Variants in XYLT1 observed in about 807,000 individuals in gnomAD.
XYLT1 encodes the protein xylosyltransferase 1, also known as beta-D-xylosyltransferase 1.
XYLT1 carries 36 observed loss-of-function variants against 91.3 expected under a neutral mutation model. The ratio of observed to expected loss-of-function variants is 0.39; its 90% CI spans 0.30 to 0.52. XYLT1 has a LOEUF of 0.52. Among genes scored for constraint, XYLT1 ranks in the 20% least tolerant of loss-of-function variants. The probability of loss-of-function intolerance (pLI) is 0.68; values close to 1 mark genes in which losing one functional copy is unlikely to be tolerated. For synonymous variants in XYLT1, 588 were observed against 532.0 expected, an observed-to-expected ratio of 1.11 and a Z score of -1.45; for missense variants, 1,242 against 1,284.5, an observed-to-expected ratio of 0.97 and a Z score of 0.51.
chr16:17,197,744 C>A (rs909018306), intron 5 of XYLT1, among the ~76,000 whole-genome samples: 1 of 152,178 alleles, frequency 6.6e-6, no homozygotes, highest in African/African-American at 2.4e-5. Context: ...GGGCCTTCGA[C>A]CACAGACTGA....
intron 5 of XYLT1, among the ~76,000 whole-genome samples, chr16:17,187,265 G>A (rs566454036): frequency 2.0e-5 from 3 of 151,690 alleles, no homozygotes; most frequent in Admixed American, 6.6e-5. Flanking sequence ...ATGGTGGCAC[G>A]TGCCTGTAAT....
chr16:17,415,466 G>A (rs2036169048), intron 1 of XYLT1, among the ~76,000 whole-genome samples: 1 of 152,180 alleles, frequency 6.6e-6, no homozygotes, highest in Admixed American at 6.5e-5. Context: ...GAGGCGGGCG[G>A]ATTGCCTAAG....
intron 11 of XYLT1, among the ~76,000 whole-genome samples, chr16:17,114,302 T>C (rs1405768702): frequency 6.6e-6 from 1 of 152,220 alleles, no homozygotes; most frequent in Non-Finnish European, 1.5e-5. Flanking sequence ...AACCCCAGTT[T>C]GAAACCATTT....
chr16:17,421,336 C>T (rs1042688016), intron 1 of XYLT1, among the ~76,000 whole-genome samples: 1 of 152,214 alleles, frequency 6.6e-6, no homozygotes, highest in Non-Finnish European at 1.5e-5. Context: ...TTTCCTATCC[C>T]ATATGCTCTT....
At position 17,338,259 on chromosome 16, in the gene XYLT1, A is replaced by G. The variant is rs989261551; in HGVS notation, c.402+19753T>C. 7.5e-5 allele frequency: 34 copies of G among 456,326 alleles called. No homozygotes were observed. In the Admixed American group the frequency reaches 7.8e-4, roughly 10 times the overall value. 28.3% of individuals were successfully genotyped at this position (456,326 alleles called of 1,614,324 possible). A position where few individuals can be genotyped will look rare whatever the true frequency, so the allele number is the denominator to read the frequency against. Reference sequence around the variant, plus strand: ...AGTGATCATCTCAAACTGATCTTGGACCATGCTCTTCTGCTCCTCAAACAT... The same window carrying G: ...AGTGATCATCTCAAACTGATCTTGGGCCATGCTCTTCTGCTCCTCAAACAT... On this transcript the variant is annotated intron_variant, in intron 2 of 11. Coordinates refer to ENST00000261381, the MANE Select transcript of XYLT1 (RefSeq NM_022166.4).
At chr16:17,309,582 G>A (rs1446645026) in intron 2 of XYLT1, among the ~76,000 whole-genome samples, 1 of 152,188 alleles carries the variant, frequency 6.6e-6, no homozygotes, top group Non-Finnish European at 1.5e-5. Context: ...AGAGTGTACT[G>A]TCTGTGCTGT....
chr16:17,370,638 G>A (rs1441023079), intron 1 of XYLT1, among the ~76,000 whole-genome samples: 2 of 152,228 alleles, frequency 1.3e-5, no homozygotes, highest in Non-Finnish European at 2.9e-5. Flanking sequence ...GCTGACTGCA[G>A]AGGTGGCCAA....
chr16:17,337,934 G>A (rs892954297), intron 2 of XYLT1, among the ~76,000 whole-genome samples: 5 of 151,920 alleles, frequency 3.3e-5, no homozygotes, highest in East Asian at 1.9e-4. Context: ...GCGCCACCAC[G>A]TCCGGCTAAT....
intron 2 of XYLT1, among the ~76,000 whole-genome samples, chr16:17,275,942 G>A (rs978123062): frequency 1.5e-4 from 23 of 152,074 alleles, no homozygotes; most frequent in African/African-American, 4.6e-4. Context: ...AAATGCTCAC[G>A]GAGCCAGAGA....
intron 2 of XYLT1, among the ~76,000 whole-genome samples, chr16:17,357,183 A>AAC (rs1567390720): frequency 3.2e-5 from 4 of 123,414 alleles, no homozygotes; most frequent in African/African-American, 1.5e-4. Flanking sequence ...AAAAAAAAAA[A>AAC]AAAAAAAAAA....
At chr16:17,442,647 C>T (rs1015027010) in intron 1 of XYLT1, among the ~76,000 whole-genome samples, 1 of 152,120 alleles carries the variant, frequency 6.6e-6, no homozygotes, top group African/African-American at 2.4e-5. Flanking sequence ...TGGATTCCCC[C>T]ACCTTGAGAG....
Position 17,236,634 on chromosome 16 carries a change from C to T in XYLT1, c.913+22354G>A, listed in dbSNP as rs190957203. Among the ~76,000 whole-genome samples, 281 of 152,246 alleles carry T rather than the reference C, an allele frequency of 1.8e-3. 2 individuals are homozygous for T. The highest frequency in any genetic ancestry group is 0.01 in the Middle Eastern group (3 of 294). On this transcript the variant is annotated intron_variant, in intron 3 of 11. Transcript: ENST00000261381. The stretch of plus-strand genomic sequence containing the variant: ...GGAGGCTGGAGGTCCAAGATCCAGG[C>T]GTTGGCAGGGTTCGTTTCTTCTGAG...
At chr16:17,153,539 C>A (rs2031332073) in intron 6 of XYLT1, among the ~76,000 whole-genome samples, 1 of 152,224 alleles carries the variant, frequency 6.6e-6, no homozygotes, top group Non-Finnish European at 1.5e-5. Flanking sequence ...ATCAGCCTCC[C>A]AGGATGCTGG....
chr16:17,428,363 C>T (rs1283392579), intron 1 of XYLT1, among the ~76,000 whole-genome samples: 1 of 152,166 alleles, frequency 6.6e-6, no homozygotes, highest in Non-Finnish European at 1.5e-5. Flanking sequence ...AGAGCTTACA[C>T]CTGACCCTGT....
intron 2 of XYLT1, among the ~76,000 whole-genome samples, chr16:17,301,169 G>A (rs1401481737): frequency 1.3e-5 from 2 of 152,058 alleles, no homozygotes; most frequent in Non-Finnish European, 2.9e-5. Flanking sequence ...CCAGCACTTC[G>A]GGAGGCTGAG....
intron 1 of XYLT1, among the ~76,000 whole-genome samples, chr16:17,417,700 G>A (rs1011437821): frequency 5.9e-5 from 9 of 152,190 alleles, no homozygotes; most frequent in African/African-American, 2.2e-4. Flanking sequence ...TTTATCGAAA[G>A]GTAGTGTCTT....
intron 3 of XYLT1, among the ~76,000 whole-genome samples, chr16:17,204,737 A>G (rs1305178194): frequency 1.3e-5 from 2 of 152,322 alleles, no homozygotes; most frequent in African/African-American, 4.8e-5. Context: ...TCCCAGTTAT[A>G]AAGTAGCTGA....
At chr16:17,136,239 C>T (rs2030714787) in intron 8 of XYLT1, among the ~76,000 whole-genome samples, 1 of 152,190 alleles carries the variant, frequency 6.6e-6, no homozygotes, top group Admixed American at 6.5e-5. Context: ...TATGTACAGA[C>T]TCACACCATT....
At chr16:17,460,302 C>G (rs1819060500) in intron 1 of XYLT1, among the ~76,000 whole-genome samples, 1 of 152,216 alleles carries the variant, frequency 6.6e-6, no homozygotes. Flanking sequence ...CTCACACTCC[C>G]TGCAGAGGGG....
Sources: allele counts gnomAD v4.1 joint callset (sites outside exome capture counted in the v4.1 genomes callset), GRCh38; gene constraint gnomAD v4.1.1; transcripts MANE v1.5; gene names NCBI Gene and HGNC (gene_info 2026-07-23, HGNC 2026-07-21).